The following NLRP1 variants were observed in gnomAD, a reference collection of about 807,000 sequenced individuals.
NLRP1 encodes NLR family pyrin domain containing 1, also known as NACHT, LRR and PYD domains-containing protein 1.
NLRP1 carries 94 observed loss-of-function variants against 136.7 expected under a neutral mutation model. The observed-to-expected ratio is 0.69, with a 90% CI of 0.58 to 0.82. The LOEUF (loss-of-function observed/expected upper bound fraction) is 0.82. Ranked by LOEUF, NLRP1 falls within the 40% of genes least tolerant of loss-of-function variation. The pLI, the probability that NLRP1 is intolerant of heterozygous loss-of-function variation, is 0.00. For missense variants in NLRP1, 1,575 were observed against 1,802.7 expected (o/e 0.87, Z 2.29); for synonymous variants, 690 against 725.1 (o/e 0.95, Z 0.78).
intron 3 of NLRP1, among the ~76,000 whole-genome samples, chr17:5,571,720 G>A (rs977857592): frequency 6.6e-6 from 1 of 152,124 alleles, no homozygotes; most frequent in Non-Finnish European, 1.5e-5. Flanking sequence ...AGCAACCAAT[G>A]ACATTCTTCA....
Position 5,514,818 on chromosome 17 carries a change from G to A in NLRP1, c.4358C>T (p.Pro1453Leu), listed in dbSNP as rs960340837. ...GLYQALKETH[P>L]HLIMELWEKG... ...CTCCCAGAGTTCCATAATGAGGTGA[G>A]GATGGGTCTCCTTCAGGGCTTGGTA... The change falls in exon 17 of 17, where the codon CCT (proline) becomes CTT (leucine). Residue 1453 changes from proline to leucine, a missense_variant. Pro to Leu is a moderately conservative substitution (Grantham distance 98, BLOSUM62 -3). Transcript: ENST00000572272. The A allele has an allele frequency of 3.7e-6, 6 of 1,614,138 alleles. No individual in the cohort carries two copies. The highest frequency in any genetic ancestry group is 5.1e-6 in the Non-Finnish European group (6 of 1,180,040).
At chr17:5,511,152 C>T (rs7214293), downstream of NLRP1, among the ~76,000 whole-genome samples, 21,280 of 152,098 alleles carry the variant, frequency 0.14, 1,684 homozygotes, top group African/African-American at 0.21. Context: ...AGATCCAGGC[C>T]GGGCACGGTG....
chr17:5,580,433 G>T (rs1210968014), intron 3 of NLRP1, among the ~76,000 whole-genome samples: 9 of 148,234 alleles, frequency 6.1e-5, no homozygotes, highest in Non-Finnish European at 1.2e-4. Context: ...GTTTGTTGTT[G>T]TTTTTTTTTT....
At chr17:5,570,918 C>T (rs1191919467) in intron 3 of NLRP1, among the ~76,000 whole-genome samples, 1 of 152,142 alleles carries the variant, frequency 6.6e-6, no homozygotes, top group Non-Finnish European at 1.5e-5. Flanking sequence ...TCACCACAAC[C>T]AGATAGGTTT....
At chr17:5,570,881 A>T (rs1278229519) in intron 3 of NLRP1, among the ~76,000 whole-genome samples, 1 of 152,200 alleles carries the variant, frequency 6.6e-6, no homozygotes, top group African/African-American at 2.4e-5. Flanking sequence ...TAGCAAACTG[A>T]ATCCAGCAGC....
rs764691669 is a variant in NLRP1, at chr17:5,532,962, T to C, written c.3156A>G (p.Val1052=). Residue 1052 remains valine, a synonymous_variant, in exon 11 of 17, where the codon GTA becomes GTG. Transcript: ENST00000572272. Reference sequence around the variant, plus strand: ...AAGGCACGCACAAGAGTTCCACCGGTACTACCTCTGGGGAGCTTTCCTCTG... The same window carrying C: ...AAGGCACGCACAAGAGTTCCACCGGCACTACCTCTGGGGAGCTTTCCTCTG... ...EIAEESSPEV[V]PVELLCVPSP... 2 of 1,613,264 alleles carry C rather than the reference T, an allele frequency of 1.2e-6. No homozygotes were observed. The highest frequency in any genetic ancestry group is 3.3e-5 in the Admixed American group (2 of 59,768).
intron 2 of NLRP1, 27 bp from the exon 3 acceptor site, chr17:5,582,089 C>A (rs1391256871): frequency 6.5e-7 from 1 of 1,539,232 alleles, no homozygotes; most frequent in East Asian, 2.3e-5. Context: ...GAAAAATAAC[C>A]ATTTACTGAA....
At chr17:5,581,675 G>A (rs976399588) in intron 3 of NLRP1, among the ~76,000 whole-genome samples, 184 bp downstream of exon 3, 8 of 152,172 alleles carry the variant, frequency 5.3e-5, no homozygotes, top group Admixed American at 5.2e-4. Flanking sequence ...TAATGTCCAG[G>A]TGCCTCCTGG....
downstream of NLRP1, among the ~76,000 whole-genome samples, chr17:5,511,067 G>A (rs778994399): frequency 2.0e-5 from 3 of 152,068 alleles, no homozygotes; most frequent in Non-Finnish European, 2.9e-5. Context: ...CACATCTAAT[G>A]GGTGGTAGAG....
chr17:5,556,148 AC>A (rs1183100282), intron 4 of NLRP1, among the ~76,000 whole-genome samples: 13 of 148,814 alleles, frequency 8.7e-5, no homozygotes, highest in African/African-American at 3.3e-4. Flanking sequence ...ACACACACAC[AC>A]ACACACACAC....
At position 5,559,286 on chromosome 17, in the gene NLRP1, C is replaced by T. The variant is rs1397454606; in HGVS notation, c.1410G>A (p.Leu470=). 3 of 1,614,042 alleles carry T rather than the reference C, an allele frequency of 1.9e-6. No individual in the cohort carries two copies. The East Asian group carries it at 6.7e-5, about 36-fold the overall frequency. ...TTALQNLIPS[L]EQARWVEVLG... is the part of the protein sequence containing the mutation. ...GGACCTCTACCCAACGTGCCTGCTC[C>T]AAAGAAGGAATGAGGTTCTGCAGAG... Residue 470 remains leucine (L), a synonymous_variant, in exon 4 of 17, where the codon TTG becomes TTA. Transcript: ENST00000572272.
Position 5,558,687 on chromosome 17 carries a change from G to C in NLRP1, c.2009C>G (p.Thr670Ser). The change falls in exon 4 of 17, where the codon ACC becomes AGC. Residue 670 changes from threonine (T) to serine (S), a missense_variant. Coordinates refer to ENST00000572272, the MANE Select transcript of NLRP1 (RefSeq NM_033004.4). ...TAACAGGCCCAATAGGAAACGTGTG[G>C]TTGATGCCCCAAACAGGCCATGTAT... is the stretch of plus-strand genomic sequence containing the variant. ...YGIHGLFGAS[T>S]TRFLLGLLSD... The C allele has an allele frequency of 1.2e-6, 2 of 1,614,148 alleles. No individual in the cohort carries two copies. Among genetic ancestry groups the C allele is most frequent in the South Asian group, 1.1e-5 (1 of 91,082 alleles).
rs1345458438 is a variant in NLRP1 at position 5,519,893 on chromosome 17, A to G, written c.3915+988T>C. ...TTTTTTTGAGACAGAGTCTTGCTCT[A>G]TCACCTAGGCTGGAGTGCAGTGGTG... On this transcript the variant is annotated intron_variant, in intron 14 of 16. Transcript: ENST00000572272. Among the ~76,000 whole-genome samples the G allele has an allele frequency of 1.5e-4, 16 of 109,804 alleles. No individual in the cohort carries two copies. In the Admixed American group the frequency reaches 1.7e-3, roughly 12 times the overall value. 72.0% of individuals were successfully genotyped at this position (109,804 alleles called of 152,430 possible).
At position 5,537,254 on chromosome 17, in the gene NLRP1, T is replaced by C. The variant is rs1911203248; in HGVS notation, c.2871-314A>G. 6.6e-6 allele frequency among the ~76,000 whole-genome samples: 1 copy of C among 152,214 alleles called. No individual in the cohort carries two copies. Among genetic ancestry groups the C allele is most frequent in the South Asian group, 2.1e-4 (1 of 4,828 alleles). On this transcript the variant is annotated intron_variant, in intron 7 of 16. Coordinates refer to ENST00000572272, the MANE Select transcript of NLRP1 (RefSeq NM_033004.4). This position sits in a 1 kb window ranked among gnomAD's most constrained non-coding sequence, Gnocchi z 4.5. ...AGGAGTTGGGTTGAGGGGCTGGGCC[T>C]TTCTACCCCAACATTGGCCAGTCAT...
chr17:5,514,859 C>A lies in NLRP1; in HGVS notation c.4317G>T (p.Lys1439Asn). The A allele has an allele frequency of 6.2e-7, 1 of 1,614,182 alleles. No individual in the cohort carries two copies. Among genetic ancestry groups the A allele is most frequent in the Non-Finnish European group, 8.5e-7 (1 of 1,180,038 alleles). The change falls in exon 17 of 17, where the codon AAG (lysine) becomes AAT (asparagine). Residue 1439 changes from lysine (K) to asparagine (N), a missense_variant. By Grantham distance (94) the Lys-to-Asn change is moderately conservative. Transcript: ENST00000572272. ...LFSLSQSWDR[K>N]CKDGLYQALK... ...GGGCTTGGTAGAGTCCATCTTTGCACTTCCGGTCCCAGGACTGGCTCAAGC... is the reference window on the plus strand; with the variant it reads ...GGGCTTGGTAGAGTCCATCTTTGCAATTCCGGTCCCAGGACTGGCTCAAGC...
At chr17:5,556,123 CACA>C (rs1914038564) in intron 4 of NLRP1, among the ~76,000 whole-genome samples, 1 of 135,090 alleles carries the variant, frequency 7.4e-6, no homozygotes, top group East Asian at 2.1e-4. Flanking sequence ...TCTACACACA[CACA>C]CACACACACA....
chr17:5,573,219 G>A (rs1041963494), intron 3 of NLRP1, among the ~76,000 whole-genome samples: 2 of 152,186 alleles, frequency 1.3e-5, no homozygotes, highest in African/African-American at 2.4e-5. Flanking sequence ...CTCACTTATT[G>A]CTAGCCAGCA....
rs1322753173 is a variant in NLRP1 at position 5,559,595 on chromosome 17, G to C, written c.1101C>G (p.Phe367Leu). ...TGGACTGGGCCAGCTCTCTGCAGCTGAAGTAGAAGACATGCTGGAAGCGGT... is the reference window on the plus strand; with the variant it reads ...TGGACTGGGCCAGCTCTCTGCAGCTCAAGTAGAAGACATGCTGGAAGCGGT... Reference protein sequence around the residue: ...YGDRFQHVFYFSCRELAQSKV... With the variant: ...YGDRFQHVFYLSCRELAQSKV... Residue 367 changes from phenylalanine (F) to leucine (L), a missense_variant, in exon 4 of 17, where the codon TTC becomes TTG. Transcript: ENST00000572272. 2 of 1,614,088 alleles carry C rather than the reference G, an allele frequency of 1.2e-6. No homozygotes were observed. The highest frequency in any genetic ancestry group is 2.7e-5 in the African/African-American group (2 of 74,932).
chr17:5,571,092 C>T (rs1240606489), intron 3 of NLRP1, among the ~76,000 whole-genome samples: 1 of 152,120 alleles, frequency 6.6e-6, no homozygotes. Context: ...ACAAACTAGA[C>T]ATTGAAGGAG....
Sources: allele counts gnomAD v4.1 joint callset (sites outside exome capture counted in the v4.1 genomes callset), GRCh38; gene constraint gnomAD v4.1.1; non-coding constraint Gnocchi (gnomAD v3.1); transcripts MANE v1.5; gene names NCBI Gene and HGNC (gene_info 2026-07-23, HGNC 2026-07-21).